Variants in MAP2K4 observed in about 807,000 individuals in gnomAD.
MAP2K4 encodes mitogen-activated protein kinase kinase 4.
A neutral mutation model predicts 48.5 loss-of-function variants in MAP2K4; 4 were observed. That is an observed-to-expected ratio of 0.08 (90% CI 0.04 to 0.19). MAP2K4 has a LOEUF of 0.19. Ranked by LOEUF, MAP2K4 falls within the 10% of genes least tolerant of loss-of-function variation. MAP2K4 has a pLI of 1.00. For synonymous variants in MAP2K4, 166 were observed against 173.1 expected, an observed-to-expected ratio of 0.96 and a Z score of 0.32; for missense variants, 258 against 493.3, an observed-to-expected ratio of 0.52 and a Z score of 4.52.
intron 1 of MAP2K4, among the ~76,000 whole-genome samples, chr17:12,053,548 T>G (rs548481217): frequency 2.7e-5 from 4 of 145,948 alleles, no homozygotes; most frequent in Admixed American, 2.7e-4. Context: ...AGGGTTTTTG[T>G]TTTTTTTTTA....
At chr17:12,066,418 A>G (rs1323208374) in intron 2 of MAP2K4, among the ~76,000 whole-genome samples, 1 of 152,218 alleles carries the variant, frequency 6.6e-6, no homozygotes, top group Non-Finnish European at 1.5e-5. Context: ...TTTACACACA[A>G]TAGCAGTTTT....
intron 7 of MAP2K4, among the ~76,000 whole-genome samples, chr17:12,116,675 C>T (rs886097276): frequency 1.3e-5 from 2 of 152,002 alleles, no homozygotes; most frequent in African/African-American, 2.4e-5. Context: ...TATACATGGG[C>T]GCGATCAATC....
intron 4 of MAP2K4, among the ~76,000 whole-genome samples, chr17:12,095,988 A>G (rs1007104296): frequency 6.9e-6 from 1 of 144,900 alleles, no homozygotes; most frequent in Non-Finnish European, 1.5e-5. Flanking sequence ...GTTCTTTAAG[A>G]ACCTGAAAAA....
chr17:12,031,444 G>A (rs191742779), intron 1 of MAP2K4, among the ~76,000 whole-genome samples: 204 of 152,242 alleles, frequency 1.3e-3, no homozygotes, highest in African/African-American at 4.7e-3. Flanking sequence ...AAACACAAGC[G>A]TAGATAGACC....
At position 12,027,587 on chromosome 17, in the gene MAP2K4, G is replaced by GTA. The variant is rs758356252; in HGVS notation, c.115+6594_115+6595dup. On this transcript the variant is annotated intron_variant, in intron 1 of 10. Transcript: ENST00000353533. ...TATCTGAGATATATATATGTCAGAT[G>GTA]TATATATATCTGACATGCCTATGTC... is the stretch of plus-strand genomic sequence containing the variant. Among the ~76,000 whole-genome samples the GTA allele has an allele frequency of 6.6e-5, 10 of 152,200 alleles. No individual in the cohort carries two copies. The South Asian group carries it at 1.5e-3, about 22-fold the overall frequency.
chr17:12,027,704 T>C (rs1414839064), intron 1 of MAP2K4, among the ~76,000 whole-genome samples: 2 of 152,164 alleles, frequency 1.3e-5, no homozygotes, highest in East Asian at 3.9e-4. Flanking sequence ...GTTATGTGCC[T>C]GTCATGGGGA....
chr17:12,140,963 A>G (rs548381152), intron 10 of MAP2K4, among the ~76,000 whole-genome samples, 184 bp from the exon 11 acceptor site: 2 of 152,252 alleles, frequency 1.3e-5, no homozygotes, highest in Admixed American at 6.5e-5. Context: ...AGGCATGCCC[A>G]TGCCCATTAG....
chr17:12,134,398 C>G (rs1973138352), intron 9 of MAP2K4, among the ~76,000 whole-genome samples: 4 of 152,076 alleles, frequency 2.6e-5, no homozygotes, highest in Admixed American at 2.6e-4. Context: ...ACGTTATCTT[C>G]AGATAGTAAA....
intron 1 of MAP2K4, among the ~76,000 whole-genome samples, chr17:12,034,194 T>C (rs1969522538): frequency 6.6e-6 from 1 of 152,252 alleles, no homozygotes; most frequent in Non-Finnish European, 1.5e-5. Context: ...TAAAATTGTA[T>C]ATACAGTGTC....
rs1422135706 is a variant in MAP2K4 at position 12,111,867 on chromosome 17, G to GTTAAC, written c.686-1364_686-1360dup. Among the ~76,000 whole-genome samples, 6 of 136,730 alleles carry GTTAAC rather than the reference G, an allele frequency of 4.4e-5. No homozygotes were observed. In the East Asian group the frequency reaches 1.3e-3, roughly 30 times the overall value. The allele number at this position is 136,730 out of a possible 152,430, so 89.7% of individuals were successfully genotyped here. ...CTCTTCCTTCTGTCCTCCTTCATGT[G>GTTAAC]TTAACTCTGTCCTCAGGGTAGTAAC... On this transcript the variant is annotated intron_variant, in intron 6 of 10. Coordinates refer to ENST00000353533, the MANE Select transcript of MAP2K4 (RefSeq NM_003010.4).
At chr17:12,139,511 C>G (rs1973309618) in intron 9 of MAP2K4, among the ~76,000 whole-genome samples, 1 of 152,120 alleles carries the variant, frequency 6.6e-6, no homozygotes, top group South Asian at 2.1e-4. Context: ...TATATGTACA[C>G]AAATAATTTT....
chr17:12,077,672 A>G (rs1316320462), intron 2 of MAP2K4, among the ~76,000 whole-genome samples: 1 of 152,182 alleles, frequency 6.6e-6, no homozygotes, highest in African/African-American at 2.4e-5. Context: ...CTTTTTTCCA[A>G]CTGAGTTAGC....
intron 1 of MAP2K4, among the ~76,000 whole-genome samples, chr17:12,044,468 A>C (rs28918096): frequency 4.6e-5 from 7 of 152,348 alleles, no homozygotes; most frequent in African/African-American, 1.4e-4. Context: ...TTTCTTGTAT[A>C]GTTAATAACA....
At chr17:12,083,190 A>G (rs531993673) in intron 3 of MAP2K4, among the ~76,000 whole-genome samples, 2 of 152,352 alleles carry the variant, frequency 1.3e-5, no homozygotes, top group South Asian at 2.1e-4. Flanking sequence ...GATTTTAGCC[A>G]TTGTTAAAAA....
At chr17:12,125,000 G>A (rs1972810612) in intron 7 of MAP2K4, 1 of 362,460 alleles carries the variant, frequency 2.8e-6, no homozygotes, top group African/African-American at 2.1e-5. Flanking sequence ...ATGTTTTCCA[G>A]TTTTCTTCCT....
At chr17:12,024,752 A>G (rs900217942) in intron 1 of MAP2K4, among the ~76,000 whole-genome samples, 4 of 152,158 alleles carry the variant, frequency 2.6e-5, no homozygotes, top group African/African-American at 9.6e-5. Context: ...CATTCTGTGG[A>G]AAAGTATTAT....
chr17:12,074,961 T>C (rs1028115491), intron 2 of MAP2K4, among the ~76,000 whole-genome samples: 8 of 152,176 alleles, frequency 5.3e-5, no homozygotes, highest in Non-Finnish European at 1.2e-4. Context: ...TTTCAGTTGT[T>C]TTAGGTATGA....
At chr17:12,089,208 G>T (rs767082548) in intron 3 of MAP2K4, among the ~76,000 whole-genome samples, 8 of 152,132 alleles carry the variant, frequency 5.3e-5, no homozygotes, top group African/African-American at 1.9e-4. Flanking sequence ...CACCCTGCCT[G>T]GCTCAGAATA....
Position 12,072,345 on chromosome 17 carries a change from A to T in MAP2K4, c.219-9011A>T, listed in dbSNP as rs537948171. Among the ~76,000 whole-genome samples the T allele has an allele frequency of 3.3e-5, 5 of 152,280 alleles. No homozygotes were observed. The East Asian group carries it at 5.8e-4, about 18-fold the overall frequency. ...GAAGCCCAATACAGTATTTTCAGGA[A>T]GTTTCTTAGAAGGACAAGAGTGAAG... On this transcript the variant is annotated intron_variant, in intron 2 of 10. Transcript: ENST00000353533.
Sources: allele counts gnomAD v4.1 joint callset (sites outside exome capture counted in the v4.1 genomes callset), GRCh38; gene constraint gnomAD v4.1.1; transcripts MANE v1.5; gene names NCBI Gene and HGNC (gene_info 2026-07-23, HGNC 2026-07-21).